PCSK5: variants seen among roughly 807,000 people sequenced by gnomAD.
The protein encoded by PCSK5 is prohormone convertase 5.
Under a neutral mutation model 233.2 loss-of-function variants are expected in PCSK5, and 129 were observed. The observed-to-expected ratio is 0.55, with a 90% CI of 0.48 to 0.64. PCSK5 has a LOEUF of 0.64. Among genes scored for constraint, PCSK5 ranks in the 30% least tolerant of loss-of-function variants. PCSK5 has a pLI of 0.00. For synonymous variants in PCSK5, 825 were observed against 879.2 expected (o/e 0.94, Z 1.09); for missense variants, 2,076 against 2,430.1 (o/e 0.85, Z 3.06).
intron 3 of PCSK5, among the ~76,000 whole-genome samples, chr9:76,018,998 A>G (rs924642062): frequency 2.6e-5 from 4 of 152,172 alleles, no homozygotes; most frequent in Non-Finnish European, 5.9e-5. Flanking sequence ...CACAAGAGTT[A>G]CATAGTCCTA....
chr9:76,177,064 TG>T (rs1269229241), intron 14 of PCSK5, among the ~76,000 whole-genome samples: 1 of 151,778 alleles, frequency 6.6e-6, no homozygotes, highest in African/African-American at 2.4e-5. Context: ...CCGAGGAGGG[TG>T]GATTGCCTGA....
At chr9:75,969,853 TC>T (rs1419875043) in intron 2 of PCSK5, among the ~76,000 whole-genome samples, 2 of 151,810 alleles carry the variant, frequency 1.3e-5, no homozygotes, top group East Asian at 1.9e-4. Flanking sequence ...AAACACGGGT[TC>T]CTTGGACTCC....
At chr9:76,275,329 C>T (rs1334072382) in intron 24 of PCSK5, among the ~76,000 whole-genome samples, 1 of 152,132 alleles carries the variant, frequency 6.6e-6, no homozygotes, top group East Asian at 1.9e-4. Flanking sequence ...TATCTGACAA[C>T]CCTAACTATA....
In PCSK5 at chr9:76,016,621, C is replaced by G. The variant is rs954294056; in HGVS notation, c.412-7117C>G. Among the ~76,000 whole-genome samples the G allele has an allele frequency of 2.6e-5, 4 of 152,284 alleles. No homozygotes were observed. The South Asian group carries it at 8.3e-4, about 32-fold the overall frequency. Reference sequence around the variant, plus strand: ...AGGTAATATAGTGGAAACCAGTTCTCCATACACTAATATGAGACTTGTAAA... The same window carrying G: ...AGGTAATATAGTGGAAACCAGTTCTGCATACACTAATATGAGACTTGTAAA... On this transcript the variant is annotated intron_variant, in intron 3 of 37. Transcript: ENST00000674117.
chr9:76,006,249 A>AT (rs1341719183), intron 3 of PCSK5, among the ~76,000 whole-genome samples: 1 of 152,022 alleles, frequency 6.6e-6, no homozygotes, highest in Non-Finnish European at 1.5e-5. Flanking sequence ...ATTTAATAAG[A>AT]TTTTTAAGCT....
chr9:76,165,991 T>C (rs962125643), intron 12 of PCSK5, among the ~76,000 whole-genome samples: 1 of 152,262 alleles, frequency 6.6e-6, no homozygotes, highest in South Asian at 2.1e-4. Flanking sequence ...TTTTGTTTTA[T>C]GCAGAGATGC....
At chr9:76,235,259 T>C (rs1587789143) in intron 22 of PCSK5, among the ~76,000 whole-genome samples, 1 of 152,118 alleles carries the variant, frequency 6.6e-6, no homozygotes, top group Non-Finnish European at 1.5e-5. Flanking sequence ...GAGAAGGTAC[T>C]AAACCAGTCA....
intron 2 of PCSK5, among the ~76,000 whole-genome samples, chr9:75,948,467 GTCCCTACAAAGGACATGAACTCATGTCCT>G (rs1182311083): frequency 1.3e-5 from 2 of 151,938 alleles, no homozygotes; most frequent in Non-Finnish European, 2.9e-5. Flanking sequence ...CTTCATCCAT[GTCCCTACAAAGGACATGAACTCATGTCCT>G]TTTTTATGGC....
chr9:76,218,709 G>A (rs1825626208), intron 20 of PCSK5, among the ~76,000 whole-genome samples: 1 of 152,114 alleles, frequency 6.6e-6, no homozygotes, highest in Non-Finnish European at 1.5e-5. Flanking sequence ...AGGAATGTCC[G>A]GGAAATATGT....
intron 24 of PCSK5, among the ~76,000 whole-genome samples, chr9:76,256,150 A>G (rs1826974798): frequency 6.6e-6 from 1 of 152,222 alleles, no homozygotes; most frequent in African/African-American, 2.4e-5. Flanking sequence ...TCCTTCTCCA[A>G]CATTCAAGCT....
At chr9:76,309,909 G>C (rs950165593) in intron 29 of PCSK5, among the ~76,000 whole-genome samples, 1 of 152,172 alleles carries the variant, frequency 6.6e-6, no homozygotes, top group African/African-American at 2.4e-5. Context: ...ATGAGTATCA[G>C]TTGTTTTTCG....
At chr9:76,008,681 C>T (rs1827589871) in intron 3 of PCSK5, among the ~76,000 whole-genome samples, 1 of 152,082 alleles carries the variant, frequency 6.6e-6, no homozygotes, top group African/African-American at 2.4e-5. Context: ...AGGATGGTCT[C>T]GATCTCCTGA....
chr9:76,111,388 C>T (rs565048649), intron 9 of PCSK5, among the ~76,000 whole-genome samples: 6 of 152,304 alleles, frequency 3.9e-5, no homozygotes, highest in Admixed American at 3.3e-4. Context: ...TTGACAGTCT[C>T]ATCATGAGTC....
At chr9:76,146,591 A>T (rs1459693946) in intron 10 of PCSK5, among the ~76,000 whole-genome samples, 1 of 151,836 alleles carries the variant, frequency 6.6e-6, no homozygotes, top group Non-Finnish European at 1.5e-5. Context: ...GAAGTTTTGA[A>T]GATGAGAGCA....
intron 30 of PCSK5, among the ~76,000 whole-genome samples, chr9:76,315,747 C>T (rs1010399979): frequency 5.3e-5 from 8 of 151,296 alleles, no homozygotes; most frequent in East Asian, 2.0e-4. Context: ...ATTCTTCTGC[C>T]TCAGCCTCCT....
intron 3 of PCSK5, among the ~76,000 whole-genome samples, chr9:76,010,224 T>C (rs546585237): frequency 6.6e-5 from 10 of 152,190 alleles, no homozygotes; most frequent in Non-Finnish European, 1.5e-4. Context: ...GGTTCCGTAA[T>C]GATGTAATTA....
intron 2 of PCSK5, among the ~76,000 whole-genome samples, chr9:75,961,290 T>C (rs4745479): frequency 0.023 from 3,474 of 152,270 alleles, 59 homozygotes; most frequent in Non-Finnish European, 0.031. Context: ...TGATTTAAGC[T>C]CCTGAGGAAA....
At chr9:76,323,017 C>A (rs779981095) in intron 31 of PCSK5, 35 bp from the exon 32 acceptor site, 7 of 1,208,384 alleles carry the variant, frequency 5.8e-6, no homozygotes, top group Non-Finnish European at 8.4e-6. Flanking sequence ...TCTCCTACCC[C>A]CCGGGGATAA....
At chr9:76,128,281 G>A (rs904802847) in intron 9 of PCSK5, among the ~76,000 whole-genome samples, 1 of 152,156 alleles carries the variant, frequency 6.6e-6, no homozygotes, top group African/African-American at 2.4e-5. Flanking sequence ...TAGATTCTGG[G>A]TTATGGGTTT....
Sources: gnomAD v4.1 joint callset for allele counts (sites outside exome capture counted in the v4.1 genomes callset) on GRCh38, gnomAD v4.1.1 for gene constraint, MANE v1.5 for transcripts, NCBI Gene and HGNC (gene_info 2026-07-23, HGNC 2026-07-21) for gene names.